The following FGGY variants were observed in gnomAD, a reference collection of about 807,000 sequenced individuals.
The protein encoded by FGGY is FGGY carbohydrate kinase domain containing, also known as FGGY carbohydrate kinase domain-containing protein.
A neutral mutation model predicts 71.3 loss-of-function variants in FGGY; 72 were observed. The observed-to-expected ratio is 1.01, with a 90% confidence interval of 0.84 to 1.23. The LOEUF is 1.23. Among genes scored for constraint, FGGY ranks in the 50% most tolerant of loss-of-function variants. FGGY has a pLI of 0.00. For synonymous variants in FGGY, 251 were observed against 250.3 expected (o/e 1.00, Z -0.02); for missense variants, 668 against 682.3 (o/e 0.98, Z 0.23).
chr1:59,312,770 T>C (rs1199635461), intron 1 of FGGY, among the ~76,000 whole-genome samples: 1 of 152,212 alleles, frequency 6.6e-6, no homozygotes, highest in African/African-American at 2.4e-5. Flanking sequence ...TGTGTGGCTC[T>C]TGGAAGGTTA....
At chr1:59,661,783 G>A (rs114524219) in intron 12 of FGGY, among the ~76,000 whole-genome samples, 7,108 of 151,396 alleles carry the variant, frequency 0.047, 299 homozygotes, top group South Asian at 0.19. Flanking sequence ...AGAGTGGAGC[G>A]ATCTTGGCTC....
At position 59,705,359 on chromosome 1, in the gene FGGY, T is replaced by C. The variant is rs1168813584; in HGVS notation, c.1512+31226T>C. Among the ~76,000 whole-genome samples the C allele has an allele frequency of 2.0e-5, 3 of 152,182 alleles. No individual in the cohort carries two copies. The East Asian group carries it at 5.8e-4, about 29-fold the overall frequency. ...AGCTGTGTTTTTCAGACTGATAATGTTTTAGACTTTTATGTGCCCAAGAGT... is the reference window on the plus strand; with the variant it reads ...AGCTGTGTTTTTCAGACTGATAATGCTTTAGACTTTTATGTGCCCAAGAGT... On this transcript the variant is annotated intron_variant, in intron 14 of 15. Coordinates refer to ENST00000303721, the MANE Select transcript of FGGY (RefSeq NM_018291.5).
chr1:59,454,215 G>T (rs2091464906), intron 5 of FGGY, among the ~76,000 whole-genome samples: 1 of 152,056 alleles, frequency 6.6e-6, no homozygotes, highest in Non-Finnish European at 1.5e-5. Context: ...TGGGACATCT[G>T]GGGATTTAGG....
At chr1:59,555,949 C>T (rs1220232234) in intron 8 of FGGY, among the ~76,000 whole-genome samples, 1 of 152,120 alleles carries the variant, frequency 6.6e-6, no homozygotes, top group Admixed American at 6.6e-5. Flanking sequence ...TGCAGCAAGC[C>T]GAGATAGTGC....
rs1307149567 is a variant in FGGY at position 59,762,504 on chromosome 1, T to C, written c.1576T>C (p.Tyr526His). 2 of 1,611,536 alleles carry C rather than the reference T, an allele frequency of 1.2e-6. No homozygotes were observed. The highest frequency in any genetic ancestry group is 8.5e-7 in the Non-Finnish European group (1 of 1,178,192). ...VVFPRLQDKK[Y>H]YDKKYQVFLK... ...AACATATTTATATTTCTCCCACAGA[T>C]ACTATGATAAGAAATACCAAGTATT... The change falls in exon 16 of 16, where the codon TAC (tyrosine) becomes CAC (histidine). Residue 526 changes from tyrosine (Y) to histidine (H), a missense_variant and splice_region_variant. Tyr to His is a moderately conservative substitution (Grantham distance 83). Coordinates refer to ENST00000303721, the MANE Select transcript of FGGY (RefSeq NM_018291.5).
At chr1:59,354,756 T>G (rs1374992071) in intron 4 of FGGY, among the ~76,000 whole-genome samples, 4 of 151,934 alleles carry the variant, frequency 2.6e-5, no homozygotes, top group Non-Finnish European at 5.9e-5. Flanking sequence ...GAACTTAGAG[T>G]CTAGTGTAGA....
At chr1:59,508,740 A>C (rs113122932) in intron 6 of FGGY, among the ~76,000 whole-genome samples, 1,597 of 152,312 alleles carry the variant, frequency 0.01, 31 homozygotes, top group African/African-American at 0.036. Context: ...CTGTGGTTCC[A>C]AATGAAAGAT....
intron 7 of FGGY, among the ~76,000 whole-genome samples, chr1:59,519,056 A>G (rs1402960100): frequency 1.3e-5 from 2 of 152,206 alleles, no homozygotes; most frequent in Non-Finnish European, 2.9e-5. Context: ...AGGCAACTTT[A>G]TACATACTAT....
At chr1:59,490,368 G>T (rs1450460659) in intron 6 of FGGY, among the ~76,000 whole-genome samples, 1 of 152,092 alleles carries the variant, frequency 6.6e-6, no homozygotes, top group Non-Finnish European at 1.5e-5. Context: ...CAGGTTGGTT[G>T]TTTTTTTCCT....
In FGGY at chr1:59,373,130, G is replaced by A. The variant is rs1335332344; in HGVS notation, c.466-5619G>A. 2.0e-5 allele frequency among the ~76,000 whole-genome samples: 3 copies of A among 152,070 alleles called. No homozygotes were observed. The East Asian group carries it at 5.8e-4, about 29-fold the overall frequency. On this transcript the variant is annotated intron_variant, in intron 4 of 15. Transcript: ENST00000303721. The stretch of plus-strand genomic sequence containing the variant: ...AGAGGAAGTCAAATTGTCCCTGTTT[G>A]CAGACGACATGATTGTGTATCTAGA...
chr1:59,329,893 A>T (rs1396275693), intron 2 of FGGY, among the ~76,000 whole-genome samples: 1 of 152,206 alleles, frequency 6.6e-6, no homozygotes, highest in Non-Finnish European at 1.5e-5. Flanking sequence ...TATTATACTG[A>T]ACAGCACAGA....
chr1:59,647,401 C>T (rs1420314404), intron 11 of FGGY, among the ~76,000 whole-genome samples: 1 of 152,134 alleles, frequency 6.6e-6, no homozygotes, highest in Non-Finnish European at 1.5e-5. Flanking sequence ...AGAGTAAGGT[C>T]ATGAGGGGCA....
chr1:59,668,535 C>T (rs1018636586), intron 13 of FGGY, among the ~76,000 whole-genome samples: 1 of 152,230 alleles, frequency 6.6e-6, no homozygotes, highest in Non-Finnish European at 1.5e-5. Context: ...ATCCTCCATC[C>T]CCCTCTAAGC....
At chr1:59,654,530 A>G (rs889776817) in intron 11 of FGGY, among the ~76,000 whole-genome samples, 1 of 152,166 alleles carries the variant, frequency 6.6e-6, no homozygotes, top group African/African-American at 2.4e-5. Context: ...TTGGGAAACT[A>G]TTTTTAAGCC....
At chr1:59,600,532 T>C (rs903438033) in intron 8 of FGGY, among the ~76,000 whole-genome samples, 6 of 152,156 alleles carry the variant, frequency 3.9e-5, no homozygotes, top group African/African-American at 1.4e-4. Context: ...AAGAAGAGCC[T>C]ACCAAAGAGA....
intron 10 of FGGY, 57 bp from the exon 11 acceptor site, chr1:59,638,171 A>G: frequency 6.5e-7 from 1 of 1,542,458 alleles, no homozygotes; most frequent in Non-Finnish European, 8.8e-7. Context: ...TTTCTATAGA[A>G]TGATTTGCTC....
chr1:59,478,595 G>T (rs1487920844), intron 6 of FGGY, among the ~76,000 whole-genome samples: 1 of 152,168 alleles, frequency 6.6e-6, no homozygotes, highest in African/African-American at 2.4e-5. Flanking sequence ...TGTTTCAGAG[G>T]ATAATTAAAT....
chr1:59,665,039 C>T (rs1391391334), intron 12 of FGGY, among the ~76,000 whole-genome samples: 1 of 152,166 alleles, frequency 6.6e-6, no homozygotes, highest in African/African-American at 2.4e-5. Context: ...AAAACTCATG[C>T]TCTTAGCTAC....
At chr1:59,503,771 A>G (rs2094303848) in intron 6 of FGGY, among the ~76,000 whole-genome samples, 2 of 151,742 alleles carry the variant, frequency 1.3e-5, no homozygotes, top group Admixed American at 1.3e-4. Context: ...TAACACCACA[A>G]ATGCATATAT....
Sources: allele counts gnomAD v4.1 joint callset (sites outside exome capture counted in the v4.1 genomes callset), GRCh38; gene constraint gnomAD v4.1.1; transcripts MANE v1.5; gene names NCBI Gene and HGNC (gene_info 2026-07-23, HGNC 2026-07-21).